The following MACF1 variants were observed in gnomAD, a reference collection of about 807,000 sequenced individuals.
MACF1 encodes the protein microtubule-actin cross-linking factor 1.
In MACF1, 193 loss-of-function variants were observed where a neutral mutation model predicts 854.8. The ratio of observed to expected loss-of-function variants is 0.23; its 90% CI spans 0.20 to 0.25. MACF1 has a LOEUF of 0.25. MACF1 is among the 10% of genes least tolerant of loss of function. The pLI, the probability that MACF1 is intolerant of heterozygous loss-of-function variation, is 1.00. For synonymous variants in MACF1, 3,185 were observed against 3,226.7 expected (o/e 0.99, Z 0.44); for missense variants, 7,722 against 8,929.1 (o/e 0.86, Z 5.45).
chr1:39,313,458 G>A (rs1002095338), intron 26 of MACF1, among the ~76,000 whole-genome samples: 1 of 151,864 alleles, frequency 6.6e-6, no homozygotes, highest in South Asian at 2.1e-4. Context: ...TAATTCTGTC[G>A]TTCCTTCTAC....
At chr1:39,143,479 T>C (rs1643392703) in intron 2 of MACF1, among the ~76,000 whole-genome samples, 1 of 152,202 alleles carries the variant, frequency 6.6e-6, no homozygotes, top group Admixed American at 6.5e-5. Flanking sequence ...GTTTAGGGTT[T>C]CCTGCCCTTG....
intron 1 of MACF1, among the ~76,000 whole-genome samples, chr1:39,209,781 C>T (rs1006316190): frequency 6.6e-6 from 1 of 152,046 alleles, no homozygotes; most frequent in African/African-American, 2.4e-5. Context: ...TCTTGAACTT[C>T]AGCATAAGAC....
chr1:39,201,575 A>G (rs1644390238), upstream of MACF1, among the ~76,000 whole-genome samples: 1 of 151,982 alleles, frequency 6.6e-6, no homozygotes, highest in Non-Finnish European at 1.5e-5. Context: ...GATGGTCTCG[A>G]TCTCTTGACC....
chr1:39,363,604 C>CTTTT (rs1553308665), intron 49 of MACF1, among the ~76,000 whole-genome samples: 15 of 136,076 alleles, frequency 1.1e-4, no homozygotes, highest in Non-Finnish European at 1.1e-4. Context: ...TTCTTTCTTT[C>CTTTT]TTTTTTTTTT....
intron 58 of MACF1, among the ~76,000 whole-genome samples, chr1:39,414,817 A>G (rs1643225131): frequency 6.6e-6 from 1 of 152,244 alleles, no homozygotes; most frequent in Admixed American, 6.5e-5. Context: ...TCTTGCCTAA[A>G]CCAAGAGACA....
Position 39,331,567 on chromosome 1 carries a change from G to A in MACF1, c.4979G>A (p.Gly1660Asp). ...TTAGAAGCTCACCTGGCAACTGGAG[G>A]TTTCAGTCTTTCCCCTAGTGAGAAC... ...KILEAHLATG[G>D]FSLSPSENCI... The change falls in exon 37 of 101, where the codon GGT becomes GAT. Residue 1660 changes from glycine to aspartate, a missense_variant. Physicochemically the swap from Gly to Asp is moderately conservative, Grantham distance 94 (BLOSUM62 -1). Coordinates refer to ENST00000564288, the MANE Select transcript of MACF1 (RefSeq NM_001394062.1). 6.2e-7 allele frequency: 1 copy of A among 1,614,170 alleles called. No individual in the cohort carries two copies. The highest frequency in any genetic ancestry group is 8.5e-7 in the Non-Finnish European group (1 of 1,180,026).
chr1:39,174,888 G>A (rs533133836), intron 2 of MACF1, among the ~76,000 whole-genome samples: 2 of 152,348 alleles, frequency 1.3e-5, no homozygotes, highest in African/African-American at 2.4e-5. Flanking sequence ...AATGTCACTA[G>A]TGGAGGCTCT....
In MACF1 at chr1:39,333,717, C is replaced by T. The variant is rs144972837; in HGVS notation, c.7129C>T (p.Arg2377Cys). The change falls in exon 37 of 101, where the codon CGT (arginine) becomes TGT (cysteine). Residue 2377 changes from arginine to cysteine, a missense_variant. Around this residue, in one of 15 missense-constraint regions of MACF1, gnomAD observed 1,531 missense variants for 1,601.6 expected, o/e 0.96. Coordinates refer to ENST00000564288, the MANE Select transcript of MACF1 (RefSeq NM_001394062.1). Reference protein sequence around the residue: ...DKAISGVLDPRTQTLCSVKDA... With the variant: ...DKAISGVLDPCTQTLCSVKDA... The stretch of plus-strand genomic sequence containing the variant: ...AGCTATAAGTGGTGTCTTAGACCCC[C>T]GTACCCAGACACTGTGCTCTGTAAA... 15 of 1,614,130 alleles carry T rather than the reference C, an allele frequency of 9.3e-6. No individual in the cohort carries two copies. Among genetic ancestry groups the T allele is most frequent in the East Asian group, 6.7e-5 (3 of 44,880 alleles).
chr1:39,448,689 T>G lies in MACF1; in HGVS notation c.20184T>G (p.Asp6728Glu). ...ALKEKTLLPE[D>E]SQKLDNFLGE... ...AAGAAAAGACTTTGCTTCCCGAAGA[T>G]AGTCAGAAACTTGACAATTTCCTAG... is the stretch of plus-strand genomic sequence containing the variant. The change falls in exon 84 of 101, where the codon GAT (aspartate) becomes GAG (glutamate). Residue 6728 changes from aspartate to glutamate, a missense_variant. Asp to Glu is a conservative substitution (Grantham distance 45). Transcript: ENST00000564288. The G allele has an allele frequency of 6.2e-7, 1 of 1,613,668 alleles. No homozygotes were observed. The highest frequency in any genetic ancestry group is 8.5e-7 in the Non-Finnish European group (1 of 1,179,676).
At chr1:39,418,939 G>C (rs1252187660) in intron 58 of MACF1, among the ~76,000 whole-genome samples, 2 of 152,036 alleles carry the variant, frequency 1.3e-5, no homozygotes, top group East Asian at 1.9e-4. Context: ...TTGTGTCCTA[G>C]TTGCATCTTA....
chr1:39,096,695 G>A (rs191859234), intron 2 of MACF1, among the ~76,000 whole-genome samples: 17 of 151,962 alleles, frequency 1.1e-4, no homozygotes, highest in South Asian at 6.2e-4. Flanking sequence ...CTGCAGTGCA[G>A]TGGCACAATT....
chr1:39,316,269 T>G, intron 27 of MACF1, 122 bp from the exon 28 acceptor site: 1 of 757,586 alleles, frequency 1.3e-6, no homozygotes, highest in Non-Finnish European at 2.0e-6. Flanking sequence ...TGTCAACATC[T>G]AAAAATGGTG....
At position 39,332,969 on chromosome 1, in the gene MACF1, CA is replaced by C; in HGVS notation, c.6382del (p.Arg2128GlyfsTer5). On this transcript the variant is annotated frameshift_variant, in exon 37 of 101. Coordinates refer to ENST00000564288, the MANE Select transcript of MACF1 (RefSeq NM_001394062.1). LOFTEE classifies it high-confidence loss of function. ...TAVSVRENAS[R>X]GHLLTIPPAE... is the part of the protein sequence containing the mutation. ...CAGTGTCTGTCAGAGAAAATGCCAG[CA>C]GGGGACACCTCCTGACCATACCTCC... is the stretch of plus-strand genomic sequence containing the variant. 1 of 1,614,138 alleles carries C rather than the reference CA, an allele frequency of 6.2e-7. No individual in the cohort carries two copies. Among genetic ancestry groups the C allele is most frequent in the Non-Finnish European group, 8.5e-7 (1 of 1,180,028 alleles).
chr1:39,456,036 A>C (rs1286729833), intron 89 of MACF1, among the ~76,000 whole-genome samples: 2 of 152,194 alleles, frequency 1.3e-5, no homozygotes, highest in Non-Finnish European at 2.9e-5. Context: ...TATTCAGTAG[A>C]AACTATACAA....
intron 6 of MACF1, among the ~76,000 whole-genome samples, chr1:39,264,970 G>A (rs1186388868): frequency 2.6e-5 from 4 of 152,270 alleles, no homozygotes; most frequent in Non-Finnish European, 5.9e-5. Context: ...CACCGCGCCC[G>A]GCCAGGATTT....
chr1:39,458,413 G>A lies in MACF1; in HGVS notation c.21119G>A (p.Arg7040Gln), dbSNP rs981326534. 2.0e-5 allele frequency: 32 copies of A among 1,613,852 alleles called. No individual in the cohort carries two copies. Among genetic ancestry groups the A allele is most frequent in the Admixed American group, 3.3e-5 (2 of 59,980 alleles). The change falls in exon 90 of 101, where the codon CGG (arginine) becomes CAG (glutamine). Residue 7040 changes from arginine to glutamine, a missense_variant. By Grantham distance (43) the Arg-to-Gln change is conservative (BLOSUM62 1). Coordinates refer to ENST00000564288, the MANE Select transcript of MACF1 (RefSeq NM_001394062.1). ...EMTRKQPDVD[R>Q]VTKTYKRKNI... ...ACTCGCAAACAGCCTGACGTGGACC[G>A]GGTCACCAAGACATACAAAAGGAAA...
chr1:39,148,147 A>G (rs973503824), intron 2 of MACF1, among the ~76,000 whole-genome samples: 9 of 152,266 alleles, frequency 5.9e-5, no homozygotes, highest in African/African-American at 2.2e-4. Context: ...ATCCTTTGTG[A>G]TAGTATTTAT....
rs1289258143 is a variant in MACF1 at position 39,359,219 on chromosome 1, G to T, written c.12199G>T (p.Glu4067Ter). The T allele has an allele frequency of 6.2e-7, 1 of 1,614,160 alleles. No homozygotes were observed. Among genetic ancestry groups the T allele is most frequent in the Non-Finnish European group, 8.5e-7 (1 of 1,180,032 alleles). ...AGTAGCTCGTGACATAATGGAAATT[G>T]AAGGGGAGCCAGCCCCAGACCACAG... ...QKVARDIMEI[E>*]GEPAPDHRHV... is the part of the protein sequence containing the mutation. The change falls in exon 47 of 101, where the codon GAA becomes TAA. Residue 4067 changes from glutamate (E) to a stop codon, truncating the protein, a stop_gained. Coordinates refer to ENST00000564288, the MANE Select transcript of MACF1 (RefSeq NM_001394062.1). LOFTEE classifies it high-confidence loss of function.
intron 99 of MACF1, among the ~76,000 whole-genome samples, chr1:39,484,024 G>T (rs1645062016): frequency 1.3e-5 from 2 of 152,212 alleles, no homozygotes; most frequent in African/African-American, 4.8e-5. Context: ...GTGGTGGCGG[G>T]TGCCTGTAGT....
Sources: gnomAD v4.1 joint callset for allele counts (sites outside exome capture counted in the v4.1 genomes callset) on GRCh38, gnomAD v4.1.1 for gene constraint, gnomAD v4.1.1 regional missense constraint, MANE v1.5 for transcripts, NCBI Gene and HGNC (gene_info 2026-07-23, HGNC 2026-07-21) for gene names.